Variants in OXCT1 observed in about 807,000 individuals in gnomAD.
The protein encoded by OXCT1 is 3-oxoacid CoA-transferase 1.
In OXCT1, 27 loss-of-function variants were observed where a neutral mutation model predicts 69.6. That is an observed-to-expected ratio of 0.39 (90% CI 0.29 to 0.54). The LOEUF is 0.54. OXCT1 is among the 20% of genes least tolerant of loss of function. OXCT1 has a pLI of 0.72. For missense variants in OXCT1, 437 were observed against 650.2 expected (o/e 0.67, Z 3.57); for synonymous variants, 202 against 217.8 (o/e 0.93, Z 0.64).
rs751513848 is a variant in OXCT1, at chr5:41,862,697, T to G, written c.132A>C (p.Thr44=). The G allele has an allele frequency of 1.2e-6, 2 of 1,613,452 alleles. No homozygotes were observed. The highest frequency in any genetic ancestry group is 2.2e-5 in the South Asian group (2 of 91,074). The change falls in exon 2 of 17, where the codon ACA becomes ACC. Residue 44 remains threonine, a synonymous_variant. Transcript: ENST00000196371. Reference sequence around the variant, plus strand: ...TGTCTTTTACAGCTTCTACTGGATCTGTATAAAACTTGGTATGGCGATGAG... The same window carrying G: ...TGTCTTTTACAGCTTCTACTGGATCGGTATAAAACTTGGTATGGCGATGAG... ...TSAHRHTKFY[T]DPVEAVKDIP...
intron 13 of OXCT1, among the ~76,000 whole-genome samples, chr5:41,772,067 T>C (rs1744894658): frequency 6.6e-6 from 1 of 152,216 alleles, no homozygotes; most frequent in Non-Finnish European, 1.5e-5. Context: ...ATCATTTATG[T>C]GTCTGCATGT....
intron 14 of OXCT1, among the ~76,000 whole-genome samples, chr5:41,759,090 G>GAAAA (rs71608623): frequency 2.6e-5 from 3 of 117,544 alleles, no homozygotes; most frequent in Non-Finnish European, 3.6e-5. Flanking sequence ...CAGGGAAAAT[G>GAAAA]AAAAAAAAAA....
At chr5:41,861,466 T>C in intron 2 of OXCT1, 62 bp from the exon 3 acceptor site, 4 of 957,224 alleles carry the variant, frequency 4.2e-6, no homozygotes, top group South Asian at 3.9e-5. Flanking sequence ...TTCAGAGAAG[T>C]GTGTGTTATT....
intron 7 of OXCT1, among the ~76,000 whole-genome samples, chr5:41,815,576 A>G (rs1362780210): frequency 6.6e-6 from 1 of 152,164 alleles, no homozygotes; most frequent in African/African-American, 2.4e-5. Context: ...TTCATTTGTC[A>G]TATCTCTTTT....
At chr5:41,792,573 C>T (rs911466641) in intron 13 of OXCT1, among the ~76,000 whole-genome samples, 1 of 152,176 alleles carries the variant, frequency 6.6e-6, no homozygotes, top group African/African-American at 2.4e-5. Flanking sequence ...TTGTAATATC[C>T]TACACAAGTA....
At position 41,870,214 on chromosome 5, in the gene OXCT1, C is replaced by T. The variant is rs1750223404; in HGVS notation, c.78+67G>A. On this transcript the variant is annotated intron_variant, in intron 1 of 16. Transcript: ENST00000196371. The surrounding 1 kb of genome is among the most constrained non-coding windows in gnomAD (Gnocchi z 4.2). ...GCGGGTAGGGGCAGAGAAGAAAACG[C>T]GGGCACCACTCAGGGTTTGGTCCAC... is the stretch of plus-strand genomic sequence containing the variant. 1.6e-6 allele frequency: 2 copies of T among 1,246,918 alleles called. No individual in the cohort carries two copies. The highest frequency in any genetic ancestry group is 1.7e-5 in the Admixed American group (1 of 58,490). 77.2% of individuals were successfully genotyped at this position (1,246,918 alleles called of 1,614,324 possible).
At chr5:41,849,952 T>A (rs1579875806) in intron 5 of OXCT1, 78 bp downstream of exon 5, 1 of 1,411,470 alleles carries the variant, frequency 7.1e-7, no homozygotes, top group East Asian at 2.3e-5. Flanking sequence ...GATTTTATAC[T>A]TATTTGCCCA....
Position 41,845,711 on chromosome 5 carries a change from G to A in OXCT1, c.565-2930C>T, listed in dbSNP as rs759773798. On this transcript the variant is annotated intron_variant, in intron 5 of 16. Coordinates refer to ENST00000196371, the MANE Select transcript of OXCT1 (RefSeq NM_000436.4). ...AAATATTTTAGTCTCATATTTTCAC[G>A]AGGTGAATTAATTTTTCAACTTCTA... 8.5e-5 allele frequency among the ~76,000 whole-genome samples: 13 copies of A among 152,204 alleles called. No individual in the cohort carries two copies. The East Asian group carries it at 1.5e-3, about 18-fold the overall frequency.
At chr5:41,771,049 T>A (rs1288406172) in intron 13 of OXCT1, among the ~76,000 whole-genome samples, 1 of 152,168 alleles carries the variant, frequency 6.6e-6, no homozygotes, top group African/African-American at 2.4e-5. Flanking sequence ...TCATCTATTG[T>A]AAGATAGTCC....
At chr5:41,852,832 C>T (rs752698355) in intron 4 of OXCT1, among the ~76,000 whole-genome samples, 2 of 152,066 alleles carry the variant, frequency 1.3e-5, no homozygotes, top group Non-Finnish European at 2.9e-5. Flanking sequence ...CCAAGGCAGG[C>T]GGCTCATTTG....
intron 6 of OXCT1, among the ~76,000 whole-genome samples, chr5:41,841,440 A>G (rs1442306068): frequency 6.6e-6 from 1 of 152,152 alleles, no homozygotes; most frequent in Non-Finnish European, 1.5e-5. Context: ...AAGGAGTCCC[A>G]AGTCCCCCAC....
intron 13 of OXCT1, among the ~76,000 whole-genome samples, chr5:41,787,232 A>T (rs1745681743): frequency 6.6e-6 from 1 of 152,236 alleles, no homozygotes; most frequent in Non-Finnish European, 1.5e-5. Context: ...ATACACAATG[A>T]CATAAATTCA....
intron 13 of OXCT1, among the ~76,000 whole-genome samples, chr5:41,764,815 C>A (rs538314678): frequency 2.6e-5 from 4 of 152,114 alleles, no homozygotes; most frequent in Admixed American, 6.6e-5. Flanking sequence ...GGAAGTAGCT[C>A]AGGGAGATTC....
intron 13 of OXCT1, among the ~76,000 whole-genome samples, chr5:41,784,068 C>A (rs145856146): frequency 6.6e-6 from 1 of 152,258 alleles, no homozygotes; most frequent in East Asian, 1.9e-4. Flanking sequence ...CCTTTCGGAT[C>A]TTAATCTTTT....
At chr5:41,737,120 T>G (rs1742922986) in intron 16 of OXCT1, among the ~76,000 whole-genome samples, 2 of 152,246 alleles carry the variant, frequency 1.3e-5, no homozygotes, top group Admixed American at 6.5e-5. Flanking sequence ...GAGATGCCAT[T>G]GATCGTCAGA....
intron 14 of OXCT1, 42 bp from the exon 15 acceptor site, chr5:41,749,649 A>C (rs1364637652): frequency 8.1e-7 from 1 of 1,238,222 alleles, no homozygotes; most frequent in Non-Finnish European, 1.2e-6. Context: ...GTTAGGGAGC[A>C]ATTTTTATTT....
At position 41,862,731 on chromosome 5, in the gene OXCT1, G is replaced by A. The variant is rs1579906352; in HGVS notation, c.98C>T (p.Ser33Phe). Residue 33 changes from serine to phenylalanine, a missense_variant, in exon 2 of 17, where the codon TCC becomes TTC. By Grantham distance (155) the Ser-to-Phe change is radical. Around this residue, in one of 4 missense-constraint regions of OXCT1, gnomAD observed 79 missense variants for 61.5 expected, o/e 1.28. Transcript: ENST00000196371. ...CTTGGTATGGCGATGAGCACTGGTG[G>A]AAAAGGAACAAACACATCCCTGAAA... ...TWYKGCVCSF[S>F]TSAHRHTKFY... 1 of 1,608,398 alleles carries A rather than the reference G, an allele frequency of 6.2e-7. No individual in the cohort carries two copies. Among genetic ancestry groups the A allele is most frequent in the East Asian group, 2.2e-5 (1 of 44,746 alleles).
intron 13 of OXCT1, among the ~76,000 whole-genome samples, chr5:41,791,853 G>C (rs1289334026): frequency 6.6e-6 from 1 of 151,956 alleles, no homozygotes; most frequent in Non-Finnish European, 1.5e-5. Flanking sequence ...CCACAGGCTG[G>C]AGTGCAGTGG....
chr5:41,866,128 C>G (rs996776375), intron 1 of OXCT1, among the ~76,000 whole-genome samples: 10 of 149,366 alleles, frequency 6.7e-5, no homozygotes, highest in Non-Finnish European at 1.3e-4. Flanking sequence ...AGAAGATACT[C>G]AGGGGTTGTT....
Sources: allele counts gnomAD v4.1 joint callset (sites outside exome capture counted in the v4.1 genomes callset), GRCh38; gene constraint gnomAD v4.1.1; regional missense constraint gnomAD v4.1.1; non-coding constraint Gnocchi (gnomAD v3.1); transcripts MANE v1.5; gene names NCBI Gene and HGNC (gene_info 2026-07-23, HGNC 2026-07-21).